SLC6A2: variants seen among roughly 807,000 people sequenced by gnomAD.
SLC6A2 encodes the protein sodium-dependent noradrenaline transporter.
A neutral mutation model predicts 71.7 loss-of-function variants in SLC6A2; 26 were observed. That is an observed-to-expected ratio of 0.36 (90% confidence interval 0.27 to 0.50). SLC6A2 has a LOEUF of 0.50. Among genes scored for constraint, SLC6A2 ranks in the 20% least tolerant of loss-of-function variants. The probability of loss-of-function intolerance (pLI) is 0.96; values close to 1 mark genes in which losing one functional copy is unlikely to be tolerated. For missense variants in SLC6A2, 581 were observed against 803.9 expected, an observed-to-expected ratio of 0.72 and a Z score of 3.35; for synonymous variants, 363 against 337.9, an observed-to-expected ratio of 1.07 and a Z score of -0.82.
intron 4 of SLC6A2, among the ~76,000 whole-genome samples, chr16:55,679,601 A>T (rs1216860536): frequency 6.6e-6 from 1 of 152,148 alleles, no homozygotes; most frequent in Non-Finnish European, 1.5e-5. Flanking sequence ...CTTAGGACAT[A>T]GCAGAGGGGT....
chr16:55,701,252 T>G (rs557028031), intron 13 of SLC6A2, among the ~76,000 whole-genome samples: 1 of 152,150 alleles, frequency 6.6e-6, no homozygotes, highest in Non-Finnish European at 1.5e-5. Flanking sequence ...TTGTGATACA[T>G]TTCCTGTCTG....
intron 5 of SLC6A2, among the ~76,000 whole-genome samples, chr16:55,685,963 A>G (rs1233748289): frequency 6.6e-6 from 1 of 152,224 alleles, no homozygotes; most frequent in Admixed American, 6.5e-5. Flanking sequence ...CCCAAGGAAC[A>G]TCATGGGAAC....
intron 4 of SLC6A2, among the ~76,000 whole-genome samples, chr16:55,680,659 C>A (rs1316268022): frequency 6.6e-6 from 1 of 152,138 alleles, no homozygotes; most frequent in African/African-American, 2.4e-5. Context: ...AACACACTCC[C>A]AGACACACCC....
chr16:55,693,059 A>G lies in SLC6A2; in HGVS notation c.919-951A>G, dbSNP rs191919673. The stretch of plus-strand genomic sequence containing the variant: ...CAGATCTGTCTTCCCCCATCAGATC[A>G]TGCTGCCCTCTGTTTGCACAGGCAT... On this transcript the variant is annotated intron_variant, in intron 6 of 14. Coordinates refer to ENST00000568943, the MANE Select transcript of SLC6A2 (RefSeq NM_001172501.3). Among the ~76,000 whole-genome samples, 9 of 152,352 alleles carry G rather than the reference A, an allele frequency of 5.9e-5. No homozygotes were observed. The East Asian group carries it at 1.7e-3, about 29-fold the overall frequency.
At chr16:55,686,298 C>T (rs1965450246) in intron 5 of SLC6A2, among the ~76,000 whole-genome samples, 1 of 152,194 alleles carries the variant, frequency 6.6e-6, no homozygotes, top group Non-Finnish European at 1.5e-5. Flanking sequence ...ACCAGAGCAT[C>T]TTGGGATGTT....
chr16:55,693,771 C>T (rs1032808116), intron 6 of SLC6A2, among the ~76,000 whole-genome samples: 12 of 152,218 alleles, frequency 7.9e-5, no homozygotes, highest in South Asian at 2.1e-4. Context: ...TGAGTTCCTA[C>T]AGGGTGAGCT....
intron 3 of SLC6A2, among the ~76,000 whole-genome samples, chr16:55,670,664 T>C (rs1964880940): frequency 6.6e-6 from 1 of 152,218 alleles, no homozygotes; most frequent in African/African-American, 2.4e-5. Flanking sequence ...GCTTAAATTT[T>C]ACCAAGTTTA....
At chr16:55,697,774 C>T (rs548568115) in intron 9 of SLC6A2, 123 bp from the exon 10 acceptor site, 17 of 998,036 alleles carry the variant, frequency 1.7e-5, no homozygotes, top group East Asian at 1.6e-4. Flanking sequence ...GCTGATTTCT[C>T]GAGAGAGGCA....
At chr16:55,682,812 G>A (rs1965317231) in intron 4 of SLC6A2, among the ~76,000 whole-genome samples, 1 of 152,178 alleles carries the variant, frequency 6.6e-6, no homozygotes, top group African/African-American at 2.4e-5. Context: ...TGAGTGTGAG[G>A]CACAGAGAAG....
chr16:55,681,632 G>T (rs1263985207), intron 4 of SLC6A2, among the ~76,000 whole-genome samples: 4 of 152,242 alleles, frequency 2.6e-5, no homozygotes, highest in Non-Finnish European at 5.9e-5. Flanking sequence ...TCTTTCACCT[G>T]CCTGGAAACA....
intron 9 of SLC6A2, among the ~76,000 whole-genome samples, chr16:55,696,916 G>A (rs955096222): frequency 3.9e-5 from 6 of 152,180 alleles, no homozygotes; most frequent in Non-Finnish European, 8.8e-5. Context: ...CCCAGGAGTT[G>A]GAGGCTGCAG....
chr16:55,658,834 G>C (rs1187178910), intron 2 of SLC6A2, among the ~76,000 whole-genome samples: 5 of 152,216 alleles, frequency 3.3e-5, no homozygotes, highest in Admixed American at 1.3e-4. Flanking sequence ...CATGGGCAGA[G>C]AGAGAAAGGT....
Position 55,705,045 on chromosome 16 carries a change from C to G in SLC6A2, c.*2699C>G, listed in dbSNP as rs956435905. 2 of 526,008 alleles carry G rather than the reference C, an allele frequency of 3.8e-6. No individual in the cohort carries two copies. The highest frequency in any genetic ancestry group is 6.6e-6 in the Non-Finnish European group (2 of 300,810). The allele number at this position is 526,008 out of a possible 1,614,324, so 32.6% of individuals were successfully genotyped here. Reference sequence around the variant, plus strand: ...CTTGTTTTTAATAGCAGAGGTCACCCGGGACAAGGGTGCTGTGTACTGTAT... The same window carrying G: ...CTTGTTTTTAATAGCAGAGGTCACCGGGGACAAGGGTGCTGTGTACTGTAT... On this transcript the variant is annotated 3_prime_UTR_variant, in exon 15 of 15. Coordinates refer to ENST00000568943, the MANE Select transcript of SLC6A2 (RefSeq NM_001172501.3).
At chr16:55,682,395 G>A (rs1199677075) in intron 4 of SLC6A2, among the ~76,000 whole-genome samples, 1 of 152,202 alleles carries the variant, frequency 6.6e-6, no homozygotes, top group Non-Finnish European at 1.5e-5. Context: ...GATTGAGAGT[G>A]TGTGGGAAAC....
At chr16:55,696,948 C>T (rs1006597310) in intron 9 of SLC6A2, among the ~76,000 whole-genome samples, 6 of 152,214 alleles carry the variant, frequency 3.9e-5, no homozygotes, top group Admixed American at 3.3e-4. Flanking sequence ...TATACCACTG[C>T]ACTTCAACCT....
In SLC6A2 at chr16:55,656,617, C is replaced by T. The variant is rs11568322; in HGVS notation, c.-51-27C>T. The T allele has an allele frequency of 3.5e-4, 560 of 1,584,520 alleles. 2 individuals are homozygous for T. In the African/African-American group the frequency reaches 7.0e-3, roughly 20 times the overall value. ...CAAGTAGGGAGGAACGGCCGGGTAA[C>T]CACCTCTTTTCCCTTTATCCAAGCA... is the stretch of plus-strand genomic sequence containing the variant. On this transcript the variant is annotated intron_variant, in intron 1 of 14. Coordinates refer to ENST00000568943, the MANE Select transcript of SLC6A2 (RefSeq NM_001172501.3). The surrounding 1 kb of genome is among the most constrained non-coding windows in gnomAD (Gnocchi z 4.5).
chr16:55,681,302 TC>T (rs1280774468), intron 4 of SLC6A2, among the ~76,000 whole-genome samples: 3 of 152,184 alleles, frequency 2.0e-5, no homozygotes, highest in Non-Finnish European at 2.9e-5. Context: ...CGCACTACTG[TC>T]CCCTTGCCTG....
Position 55,702,637 on chromosome 16 carries a change from C to A in SLC6A2, c.*291C>A. On this transcript the variant is annotated 3_prime_UTR_variant, in exon 15 of 15. Transcript: ENST00000568943. ...CTCCCACTTTGGGATCCTGCTGAAG[C>A]TAGGTTCATGAGGTCGGAAATCCCC... 7.3e-7 allele frequency: 1 copy of A among 1,360,882 alleles called. No homozygotes were observed. The highest frequency in any genetic ancestry group is 9.5e-7 in the Non-Finnish European group (1 of 1,054,310). 84.3% of individuals were successfully genotyped at this position (1,360,882 alleles called of 1,614,324 possible).
At chr16:55,676,112 C>G (rs1404356232) in intron 4 of SLC6A2, among the ~76,000 whole-genome samples, 1 of 152,196 alleles carries the variant, frequency 6.6e-6, no homozygotes, top group Non-Finnish European at 1.5e-5. Flanking sequence ...CCATGGACTT[C>G]TAACAGGCAT....
Sources: allele counts gnomAD v4.1 joint callset (sites outside exome capture counted in the v4.1 genomes callset), GRCh38; gene constraint gnomAD v4.1.1; non-coding constraint Gnocchi (gnomAD v3.1); transcripts MANE v1.5; gene names NCBI Gene and HGNC (gene_info 2026-07-23, HGNC 2026-07-21).